ATP5MF: variants seen among roughly 807,000 people sequenced by gnomAD.
ATP5MF encodes the protein ATP synthase membrane subunit f, also known as ATP synthase F(0) complex subunit f, mitochondrial.
ATP5MF carries 10 observed loss-of-function variants against 13.8 expected under a neutral mutation model. The ratio of observed to expected loss-of-function variants is 0.72; its 90% confidence interval spans 0.45 to 1.23. The LOEUF (loss-of-function observed/expected upper bound fraction) is 1.23. ATP5MF is among the 50% of genes most tolerant of loss of function. ATP5MF has a pLI of 0.00. For missense variants in ATP5MF, 122 were observed against 118.2 expected, an observed-to-expected ratio of 1.03 and a Z score of -0.15; for synonymous variants, 40 against 45.8, an observed-to-expected ratio of 0.87 and a Z score of 0.51.
At chr7:99,463,391 C>T (rs1562873178) in intron 1 of ATP5MF, among the ~76,000 whole-genome samples, 1 of 152,202 alleles carries the variant, frequency 6.6e-6, no homozygotes, top group South Asian at 2.1e-4. Context: ...CAGTGGCTCA[C>T]GCCAGTAATC....
chr7:99,464,723 G>A (rs1424402243), intron 1 of ATP5MF, among the ~76,000 whole-genome samples: 2 of 151,960 alleles, frequency 1.3e-5, no homozygotes, highest in African/African-American at 4.8e-5. Flanking sequence ...CACTTTGGGA[G>A]GTCGAAGCAG....
chr7:99,458,463 C>G (rs1584525879), intron 3 of ATP5MF, 108 bp from the exon 4 acceptor site: 3 of 1,196,852 alleles, frequency 2.5e-6, no homozygotes, highest in South Asian at 1.5e-5. Flanking sequence ...GAATTCCCTT[C>G]AGAGATGACC....
chr7:99,466,030 C>T, intron 1 of ATP5MF, 81 bp downstream of exon 1: 6 of 1,606,848 alleles, frequency 3.7e-6, no homozygotes, highest in Non-Finnish European at 5.1e-6. Flanking sequence ...CAGGCAGCTC[C>T]GCAGCTTCCT....
chr7:99,464,829 G>C (rs1164044443), intron 1 of ATP5MF, among the ~76,000 whole-genome samples: 1 of 151,920 alleles, frequency 6.6e-6, no homozygotes, highest in Non-Finnish European at 1.5e-5. Context: ...CCGGGCGTAG[G>C]TACTGGTGTG....
intron 3 of ATP5MF, 140 bp downstream of exon 3, chr7:99,459,007 A>G (rs1471040385): frequency 4.7e-6 from 3 of 633,644 alleles, no homozygotes. Flanking sequence ...AGGTCCCTCC[A>G]ATTCTTTTAG....
chr7:99,466,039 C>A, intron 1 of ATP5MF, 72 bp downstream of exon 1: 2 of 1,609,964 alleles, frequency 1.2e-6, no homozygotes, highest in Non-Finnish European at 1.7e-6. Flanking sequence ...CCGCAGCTTC[C>A]TTCTCTCCCA....
chr7:99,465,699 A>C (rs1355166489), intron 1 of ATP5MF, among the ~76,000 whole-genome samples: 1 of 152,212 alleles, frequency 6.6e-6, no homozygotes, highest in African/African-American at 2.4e-5. Flanking sequence ...GGTATCAGGT[A>C]CAGTCCTAGT....
At chr7:99,458,519 G>C (rs981857577) in intron 3 of ATP5MF, among the ~76,000 whole-genome samples, 164 bp from the exon 4 acceptor site, 3 of 152,094 alleles carry the variant, frequency 2.0e-5, no homozygotes, top group Non-Finnish European at 4.4e-5. Flanking sequence ...AGACCCGGGG[G>C]GCACAAAGAC....
intron 1 of ATP5MF, 93 bp downstream of exon 1, chr7:99,466,018 G>A: frequency 1.3e-6 from 2 of 1,598,022 alleles, no homozygotes; most frequent in Non-Finnish European, 1.7e-6. Flanking sequence ...CTGAGCAAAG[G>A]GCAGGCAGCT....
At chr7:99,461,783 G>A (rs1026171980) in intron 1 of ATP5MF, among the ~76,000 whole-genome samples, 1 of 151,862 alleles carries the variant, frequency 6.6e-6, no homozygotes, top group Non-Finnish European at 1.5e-5. Context: ...TCAGCCTCCT[G>A]AGTAGCTGGG....
chr7:99,464,072 T>C (rs1798734993), intron 1 of ATP5MF, among the ~76,000 whole-genome samples: 1 of 152,196 alleles, frequency 6.6e-6, no homozygotes, highest in Non-Finnish European at 1.5e-5. Flanking sequence ...TGACCCTGCC[T>C]AAAGGTCACA....
intron 1 of ATP5MF, among the ~76,000 whole-genome samples, chr7:99,464,049 C>G (rs1798733425): frequency 6.6e-6 from 1 of 152,192 alleles, no homozygotes; most frequent in Non-Finnish European, 1.5e-5. Flanking sequence ...CTGAATAGGC[C>G]AGGCATGTGA....
intron 3 of ATP5MF, 42 bp from the exon 4 acceptor site, chr7:99,458,397 A>C: frequency 6.3e-7 from 1 of 1,587,632 alleles, no homozygotes; most frequent in Non-Finnish European, 8.6e-7. Flanking sequence ...TTAAAAGGTT[A>C]CAGTGAAGGC....
chr7:99,464,273 C>T (rs928070703), intron 1 of ATP5MF, among the ~76,000 whole-genome samples: 18 of 152,242 alleles, frequency 1.2e-4, no homozygotes, highest in Non-Finnish European at 2.5e-4. Flanking sequence ...CTACCGTGTA[C>T]GACGAATGCT....
At chr7:99,465,156 G>A (rs556014929) in intron 1 of ATP5MF, among the ~76,000 whole-genome samples, 2 of 152,080 alleles carry the variant, frequency 1.3e-5, no homozygotes, top group African/African-American at 4.8e-5. Flanking sequence ...GCTACTCGGA[G>A]GCTGAGGCTG....
chr7:99,459,614 C>A (rs1798508548), intron 2 of ATP5MF: 2 of 274,568 alleles, frequency 7.3e-6, no homozygotes. Flanking sequence ...GATGGGGTCT[C>A]TCCATATTGC....
rs543579846 is a variant in ATP5MF, at chr7:99,465,283, C to A, written c.31+828G>T. ...TCAAAAAAAAAATGATAAAAAAAAA[C>A]CAGAAACTGAGCTAAGACACACATG... On this transcript the variant is annotated intron_variant, in intron 1 of 3. Coordinates refer to ENST00000292475, the MANE Select transcript of ATP5MF (RefSeq NM_004889.5). 1.6e-3 allele frequency among the ~76,000 whole-genome samples: 243 copies of A among 151,790 alleles called. 1 individual carries two copies. The highest frequency in any genetic ancestry group is 1.8e-3 in the African/African-American group (75 of 41,304).
chr7:99,460,151 T>A lies in ATP5MF; in HGVS notation c.74A>T (p.Glu25Val). The stretch of plus-strand genomic sequence containing the variant: ...CCGCATCAAGATCCAGCTTGGCAGC[T>A]CCCCCAGTTTGACCTCCAGAAGTTT... The part of the protein sequence containing the change: ...DKKLLEVKLG[E>V]LPSWILMRDF... Residue 25 changes from glutamate to valine, a missense_variant, in exon 2 of 4, where the codon GAG (glutamate) becomes GTG (valine). By Grantham distance (121) the Glu-to-Val change is moderately radical. Coordinates refer to ENST00000292475, the MANE Select transcript of ATP5MF (RefSeq NM_004889.5). The A allele has an allele frequency of 3.1e-6, 5 of 1,614,138 alleles. No individual in the cohort carries two copies. Among genetic ancestry groups the A allele is most frequent in the Non-Finnish European group, 4.2e-6 (5 of 1,180,004 alleles).
chr7:99,464,339 C>G (rs1562873613), intron 1 of ATP5MF, among the ~76,000 whole-genome samples: 1 of 152,238 alleles, frequency 6.6e-6, no homozygotes, highest in Non-Finnish European at 1.5e-5. Context: ...TTCTGAACCC[C>G]TCTTCATTTC....
Sources: gnomAD v4.1 joint callset for allele counts (sites outside exome capture counted in the v4.1 genomes callset) on GRCh38, gnomAD v4.1.1 for gene constraint, MANE v1.5 for transcripts, NCBI Gene and HGNC (gene_info 2026-07-23, HGNC 2026-07-21) for gene names.